PKHD1L1: variants seen among roughly 807,000 people sequenced by gnomAD.
The protein encoded by PKHD1L1 is PKHD1 like 1.
In PKHD1L1, 434 loss-of-function variants were observed where a neutral mutation model predicts 462.9. The ratio of observed to expected loss-of-function variants is 0.94; its 90% CI spans 0.87 to 1.02. The LOEUF (loss-of-function observed/expected upper bound fraction) is 1.02, where lower values mean the gene tolerates loss of function less well. Among genes scored for constraint, PKHD1L1 ranks in the 50% least tolerant of loss-of-function variants. The pLI, the probability that PKHD1L1 is intolerant of heterozygous loss-of-function variation, is 0.00. For missense variants in PKHD1L1, 5,202 were observed against 5,096.1 expected, an observed-to-expected ratio of 1.02 and a Z score of -0.63; for synonymous variants, 1,781 against 1,750.0, an observed-to-expected ratio of 1.02 and a Z score of -0.44.
chr8:109,386,560 C>G (rs954516558), intron 6 of PKHD1L1, among the ~76,000 whole-genome samples: 2 of 152,070 alleles, frequency 1.3e-5, no homozygotes, highest in African/African-American at 4.8e-5. Flanking sequence ...ATCTGGAATT[C>G]TATAGAATAG....
chr8:109,477,042 T>A (rs1818023585), intron 52 of PKHD1L1, among the ~76,000 whole-genome samples, 183 bp from the exon 53 acceptor site: 1 of 152,194 alleles, frequency 6.6e-6, no homozygotes, highest in South Asian at 2.1e-4. Context: ...TTTATCAAGA[T>A]ATTTTGACCG....
chr8:109,504,211 C>T lies in PKHD1L1; in HGVS notation c.10829-116C>T, dbSNP rs1302454561. 6.7e-6 allele frequency: 4 copies of T among 600,880 alleles called. No individual in the cohort carries two copies. In the Admixed American group the frequency reaches 1.7e-4, roughly 25 times the overall value. The allele number at this position is 600,880 out of a possible 1,614,324, so 37.2% of individuals were successfully genotyped here. On this transcript the variant is annotated intron_variant, in intron 67 of 77. Transcript: ENST00000378402. ...TGGTAGACTTATTTACCATATCAGG[C>T]AAGAGCTCCATGTTTAAGGTAGTGA...
At chr8:109,378,370 C>T (rs1811943390) in intron 2 of PKHD1L1, among the ~76,000 whole-genome samples, 2 of 152,140 alleles carry the variant, frequency 1.3e-5, no homozygotes, top group Non-Finnish European at 2.9e-5. Context: ...TAAAAATAAC[C>T]TAAGTGCCTT....
chr8:109,389,247 G>C (rs1327031563), intron 8 of PKHD1L1, 95 bp downstream of exon 8: 1 of 903,710 alleles, frequency 1.1e-6, no homozygotes, highest in Non-Finnish European at 1.7e-6. Context: ...CTGCCCTTTT[G>C]GATCAGGTGT....
At position 109,533,512 on chromosome 8, in the gene PKHD1L1, C is replaced by T. The variant is rs1275162447; in HGVS notation, c.*3422C>T. ...TGGCTGGGCACTGGGCCACCTAGAACAAAGACAATTTCCCAGCTTCACTTG... is the reference window on the plus strand; with the variant it reads ...TGGCTGGGCACTGGGCCACCTAGAATAAAGACAATTTCCCAGCTTCACTTG... On this transcript the variant is annotated 3_prime_UTR_variant, in exon 78 of 78. Coordinates refer to ENST00000378402, the MANE Select transcript of PKHD1L1 (RefSeq NM_177531.6). 6.6e-6 allele frequency among the ~76,000 whole-genome samples: 1 copy of T among 152,158 alleles called. No homozygotes were observed. The highest frequency in any genetic ancestry group is 1.9e-4 in the East Asian group (1 of 5,202).
intron 45 of PKHD1L1, among the ~76,000 whole-genome samples, chr8:109,455,149 C>A (rs1816749311): frequency 6.6e-6 from 1 of 152,126 alleles, no homozygotes; most frequent in Admixed American, 6.5e-5. Flanking sequence ...ACCAGCCTGG[C>A]CAACATGGCA....
chr8:109,364,209 T>C (rs1019457999), intron 1 of PKHD1L1, among the ~76,000 whole-genome samples: 1 of 152,234 alleles, frequency 6.6e-6, no homozygotes, highest in African/African-American at 2.4e-5. Context: ...CTGTTAAGCA[T>C]AGTTATAGAT....
At chr8:109,372,598 T>A (rs1283128358) in intron 2 of PKHD1L1, among the ~76,000 whole-genome samples, 1 of 152,206 alleles carries the variant, frequency 6.6e-6, no homozygotes, top group Non-Finnish European at 1.5e-5. Context: ...TCAAAGGGAA[T>A]GCTTCCAGTT....
chr8:109,454,311 T>C, intron 44 of PKHD1L1, 65 bp downstream of exon 44: 2 of 1,067,850 alleles, frequency 1.9e-6, no homozygotes, highest in Non-Finnish European at 2.7e-6. Flanking sequence ...TTAAATACTA[T>C]GTGTAAAATG....
At chr8:109,447,421 G>A (rs1325482013) in intron 38 of PKHD1L1, among the ~76,000 whole-genome samples, 1 of 152,120 alleles carries the variant, frequency 6.6e-6, no homozygotes, top group Non-Finnish European at 1.5e-5. Flanking sequence ...AAAAAGTTAT[G>A]TTGACGAATT....
At chr8:109,503,574 C>T (rs1466265704) in intron 67 of PKHD1L1, among the ~76,000 whole-genome samples, 1 of 152,138 alleles carries the variant, frequency 6.6e-6, no homozygotes, top group Non-Finnish European at 1.5e-5. Context: ...TTTTGCTTTT[C>T]TGTTTAGAGT....
At chr8:109,441,935 G>T in intron 34 of PKHD1L1, 72 bp from the exon 35 acceptor site, 1 of 1,295,786 alleles carries the variant, frequency 7.7e-7, no homozygotes, top group Non-Finnish European at 1.0e-6. Context: ...TATATAAATT[G>T]CCATGTTGTC....
rs1443456733 is a variant in PKHD1L1 at position 109,396,127 on chromosome 8, T to C, written c.912T>C (p.Val304=). 1 of 1,605,846 alleles carries C rather than the reference T, an allele frequency of 6.2e-7. No homozygotes were observed. Among genetic ancestry groups the C allele is most frequent in the African/African-American group, 1.3e-5 (1 of 74,694 alleles). Residue 304 remains valine (V), a synonymous_variant, in exon 11 of 78, where the codon GTT becomes GTC. Transcript: ENST00000378402. ...ATCAGACAGATTTCCCCGTCAGAGT[T>C]CTAGTTGGAGGTATTTCTCATGGTT... ...FFDQTDFPVR[V]LVGGEPCDIL...
At chr8:109,442,272 AATACAGTATTTTTACATAAATAAT>A in intron 35 of PKHD1L1, 77 bp downstream of exon 35, 1 of 1,325,744 alleles carries the variant, frequency 7.5e-7, no homozygotes, top group Non-Finnish European at 1.0e-6. Context: ...GTGTAGATTT[AATACAGTATTTTTACATAAATAAT>A]ATACACAAAT....
At chr8:109,499,696 G>A (rs1263587125) in intron 67 of PKHD1L1, among the ~76,000 whole-genome samples, 1 of 152,154 alleles carries the variant, frequency 6.6e-6, no homozygotes, top group Non-Finnish European at 1.5e-5. Flanking sequence ...ACATATAAAA[G>A]TTGGTTGACT....
chr8:109,481,462 T>A lies in PKHD1L1; in HGVS notation c.9357T>A (p.Asp3119Glu). 3 of 1,599,692 alleles carry A rather than the reference T, an allele frequency of 1.9e-6. No homozygotes were observed. Among genetic ancestry groups the A allele is most frequent in the Non-Finnish European group, 2.6e-6 (3 of 1,172,234 alleles). The change falls in exon 56 of 78, where the codon GAT becomes GAA. Residue 3119 changes from aspartate to glutamate, a missense_variant. Asp to Glu is a conservative substitution (Grantham distance 45). Around this residue, in one of 3 missense-constraint regions of PKHD1L1, gnomAD observed 4,497 missense variants for 4,336.8 expected, o/e 1.04. Coordinates refer to ENST00000378402, the MANE Select transcript of PKHD1L1 (RefSeq NM_177531.6). ...QGGRLIGGWEDNPFKGDLKIV... is the reference protein window; with the variant it reads ...QGGRLIGGWEENPFKGDLKIV... The stretch of plus-strand genomic sequence containing the variant: ...GTAGATTAATCGGTGGCTGGGAAGA[T>A]AACCCTTTTAAAGGAGACTTAAAGA...
intron 47 of PKHD1L1, among the ~76,000 whole-genome samples, chr8:109,461,035 C>T (rs1353905133): frequency 6.6e-6 from 1 of 152,082 alleles, no homozygotes; most frequent in East Asian, 1.9e-4. Context: ...AACCCATATA[C>T]CCAGAAATAG....
chr8:109,469,776 G>A (rs949801756), intron 50 of PKHD1L1, among the ~76,000 whole-genome samples: 2 of 152,046 alleles, frequency 1.3e-5, no homozygotes, highest in East Asian at 3.9e-4. Flanking sequence ...ATAACTAGAT[G>A]TCCAGAATGG....
intron 2 of PKHD1L1, among the ~76,000 whole-genome samples, chr8:109,371,917 T>C (rs1175005348): frequency 1.3e-5 from 2 of 152,120 alleles, no homozygotes; most frequent in African/African-American, 4.8e-5. Context: ...CCTTGTAGTA[T>C]AGTTTGAAGT....
Sources: allele counts gnomAD v4.1 joint callset (sites outside exome capture counted in the v4.1 genomes callset), GRCh38; gene constraint gnomAD v4.1.1; regional missense constraint gnomAD v4.1.1; transcripts MANE v1.5; gene names NCBI Gene and HGNC (gene_info 2026-07-23, HGNC 2026-07-21).